The following STAT4 variants were observed in gnomAD, a reference collection of about 807,000 sequenced individuals.
STAT4 encodes the protein signal transducer and activator of transcription 4.
A neutral mutation model predicts 110.5 loss-of-function variants in STAT4; 42 were observed. The ratio of observed to expected loss-of-function variants is 0.38; its 90% CI spans 0.30 to 0.49. The LOEUF is 0.49. Ranked by LOEUF, STAT4 falls within the 20% of genes least tolerant of loss-of-function variation. The probability of loss-of-function intolerance (pLI) is 0.95; values close to 1 mark genes in which losing one functional copy is unlikely to be tolerated. For synonymous variants in STAT4, 284 were observed against 302.2 expected (o/e 0.94, Z 0.63); for missense variants, 632 against 887.9 (o/e 0.71, Z 3.66).
chr2:191,114,003 CTG>C (rs1457402390), intron 3 of STAT4, among the ~76,000 whole-genome samples: 2 of 152,120 alleles, frequency 1.3e-5, no homozygotes, highest in African/African-American at 4.8e-5. Flanking sequence ...CTGAAGAAAA[CTG>C]TGGTCTGATC....
rs1400957118 is a variant in STAT4 at position 191,059,317 on chromosome 2, A to G, written c.1035-548T>C. ...CGTTCATTAAAAAAACAAACTTCAA[A>G]TGAACAAGTAATTGAAGTTCAGTAT... On this transcript the variant is annotated intron_variant, in intron 10 of 23. Coordinates refer to ENST00000392320, the MANE Select transcript of STAT4 (RefSeq NM_003151.4). This position sits in a 1 kb window ranked among gnomAD's most constrained non-coding sequence, Gnocchi z 4.7. Among the ~76,000 whole-genome samples, 2 of 152,224 alleles carry G rather than the reference A, an allele frequency of 1.3e-5. No homozygotes were observed. The highest frequency in any genetic ancestry group is 2.9e-5 in the Non-Finnish European group (2 of 68,040).
chr2:191,137,572 C>T (rs1220522996), intron 3 of STAT4, among the ~76,000 whole-genome samples: 1 of 151,964 alleles, frequency 6.6e-6, no homozygotes, highest in Admixed American at 6.5e-5. Context: ...GCAATCTGAG[C>T]AAAAAGAACA....
intron 1 of STAT4, among the ~76,000 whole-genome samples, chr2:191,149,120 C>T (rs1052571056): frequency 3.9e-5 from 6 of 152,138 alleles, no homozygotes; most frequent in Non-Finnish European, 5.9e-5. Context: ...TTTCCAAAGT[C>T]AAATTTTTGG....
intron 3 of STAT4, among the ~76,000 whole-genome samples, chr2:191,123,050 A>G (rs1698781724): frequency 6.6e-6 from 1 of 152,030 alleles, no homozygotes; most frequent in Admixed American, 6.6e-5. Flanking sequence ...CTTGTATTAA[A>G]ATATGACATA....
chr2:191,031,578 GAA>G lies in STAT4; in HGVS notation c.2045-64_2045-63del. The G allele has an allele frequency of 7.4e-7, 1 of 1,358,080 alleles. No individual in the cohort carries two copies. 84.1% of individuals were successfully genotyped at this position (1,358,080 alleles called of 1,614,324 possible). On this transcript the variant is annotated intron_variant, in intron 21 of 23. Coordinates refer to ENST00000392320, the MANE Select transcript of STAT4 (RefSeq NM_003151.4). This position sits in a 1 kb window ranked among gnomAD's most constrained non-coding sequence, Gnocchi z 4.8. ...TGTCAATATTATCAATAAAACTGGG[GAA>G]AAAAGAGTCTAGAAAAATATTAACA...
In STAT4 at chr2:191,040,491, A is replaced by T. The variant is rs545424305; in HGVS notation, c.1335+574T>A. Among the ~76,000 whole-genome samples, 11 of 152,296 alleles carry T rather than the reference A, an allele frequency of 7.2e-5. No individual in the cohort carries two copies. The East Asian group carries it at 2.1e-3, about 29-fold the overall frequency. On this transcript the variant is annotated intron_variant, in intron 15 of 23. Coordinates refer to ENST00000392320, the MANE Select transcript of STAT4 (RefSeq NM_003151.4). The stretch of plus-strand genomic sequence containing the variant: ...AATCCCAGAAAACAAACAAACAAGA[A>T]CTTGAGCAACAAATTATTTAATGTA...
rs1057058787 is a variant in STAT4, at chr2:191,046,117, G to T, written c.1252-4969C>A. Among the ~76,000 whole-genome samples, 9 of 152,142 alleles carry T rather than the reference G, an allele frequency of 5.9e-5. No individual in the cohort carries two copies. The South Asian group carries it at 6.2e-4, about 11-fold the overall frequency. ...AACTTCCACTTCATGTTCACTAATGGGGGTGCCTTTCACATTATCTCTGAG... is the reference window on the plus strand; with the variant it reads ...AACTTCCACTTCATGTTCACTAATGTGGGTGCCTTTCACATTATCTCTGAG... On this transcript the variant is annotated intron_variant, in intron 14 of 23. Transcript: ENST00000392320. This position sits in a 1 kb window ranked among gnomAD's most constrained non-coding sequence, Gnocchi z 4.6.
At chr2:191,133,751 C>T (rs1307093738) in intron 3 of STAT4, among the ~76,000 whole-genome samples, 1 of 151,554 alleles carries the variant, frequency 6.6e-6, no homozygotes, top group African/African-American at 2.4e-5. Context: ...AACAGTAAGT[C>T]CAATAATAAT....
chr2:191,067,271 C>T (rs1293297817), intron 6 of STAT4, among the ~76,000 whole-genome samples: 1 of 151,964 alleles, frequency 6.6e-6, no homozygotes, highest in Non-Finnish European at 1.5e-5. Context: ...AATAATGGAA[C>T]TAAAGCAGCA....
intron 3 of STAT4, among the ~76,000 whole-genome samples, chr2:191,098,516 G>A (rs1698068261): frequency 6.6e-6 from 1 of 151,022 alleles, no homozygotes; most frequent in Non-Finnish European, 1.5e-5. Flanking sequence ...CACAAGGACA[G>A]AAAACCAAAC....
rs1553509522 is a variant in STAT4 at position 191,079,235 on chromosome 2, T to TCACGCACACACACACA, written c.274-2911_274-2910insTGTGTGTGTGTGCGTG. On this transcript the variant is annotated intron_variant, in intron 3 of 23. Transcript: ENST00000392320. ...TACATTTTAGAATCAACTTGTCAAG[T>TCACGCACACACACACA]CACGCACACACACATATGCACACCC... Among the ~76,000 whole-genome samples, 5 of 151,196 alleles carry TCACGCACACACACACA rather than the reference T, an allele frequency of 3.3e-5. No homozygotes were observed. In the East Asian group the frequency reaches 9.7e-4, roughly 29 times the overall value.
intron 3 of STAT4, among the ~76,000 whole-genome samples, chr2:191,128,685 G>A (rs748015394): frequency 1.3e-5 from 2 of 152,110 alleles, no homozygotes; most frequent in Non-Finnish European, 2.9e-5. Context: ...GAATATGTGA[G>A]GTGCAGGTGA....
At position 191,113,114 on chromosome 2, in the gene STAT4, G is replaced by A. The variant is rs748073396; in HGVS notation, c.273+33499C>T. ...GCCTCTGTGTCTTTGCCTACATGGTGTTGCCCACTTGTAACACCTGCTCAC... is the reference window on the plus strand; with the variant it reads ...GCCTCTGTGTCTTTGCCTACATGGTATTGCCCACTTGTAACACCTGCTCAC... On this transcript the variant is annotated intron_variant, in intron 3 of 23. Coordinates refer to ENST00000392320, the MANE Select transcript of STAT4 (RefSeq NM_003151.4). This position sits in a 1 kb window ranked among gnomAD's most constrained non-coding sequence, Gnocchi z 4.8. Among the ~76,000 whole-genome samples the A allele has an allele frequency of 6.6e-6, 1 of 152,166 alleles. No individual in the cohort carries two copies. Among genetic ancestry groups the A allele is most frequent in the Non-Finnish European group, 1.5e-5 (1 of 68,034 alleles).
rs1004661935 is a variant in STAT4, at chr2:191,042,331, A to G, written c.1252-1183T>C. ...GAGGAAAAGCAAAAAGTAAAAATAA[A>G]TAAATAAATAAAAGAATAAAAAAAC... On this transcript the variant is annotated intron_variant, in intron 14 of 23. Coordinates refer to ENST00000392320, the MANE Select transcript of STAT4 (RefSeq NM_003151.4). This position sits in a 1 kb window ranked among gnomAD's most constrained non-coding sequence, Gnocchi z 4.2. Among the ~76,000 whole-genome samples, 1 of 152,188 alleles carries G rather than the reference A, an allele frequency of 6.6e-6. No homozygotes were observed. The highest frequency in any genetic ancestry group is 1.5e-5 in the Non-Finnish European group (1 of 68,030).
chr2:191,069,589 C>T, intron 6 of STAT4, 104 bp downstream of exon 6: 1 of 848,802 alleles, frequency 1.2e-6, no homozygotes. Context: ...TCCCTAGGCT[C>T]ACCTAAGGAA....
chr2:191,075,198 A>G (rs1305783569), intron 4 of STAT4, among the ~76,000 whole-genome samples: 2 of 152,196 alleles, frequency 1.3e-5, no homozygotes, highest in Non-Finnish European at 2.9e-5. Flanking sequence ...TGGACCTTCA[A>G]AAATAAATAT....
At chr2:191,055,327 T>C (rs559275157) in intron 13 of STAT4, among the ~76,000 whole-genome samples, 3 of 150,574 alleles carry the variant, frequency 2.0e-5, no homozygotes, top group Non-Finnish European at 4.4e-5. Context: ...GCCTCCAGAG[T>C]ATCTGGGACT....
At position 191,046,036 on chromosome 2, in the gene STAT4, C is replaced by A. The variant is rs1696341229; in HGVS notation, c.1252-4888G>T. Among the ~76,000 whole-genome samples the A allele has an allele frequency of 6.6e-6, 1 of 152,022 alleles. No individual in the cohort carries two copies. The highest frequency in any genetic ancestry group is 2.1e-4 in the South Asian group (1 of 4,820). The stretch of plus-strand genomic sequence containing the variant: ...TTTGAACAATAGAAAATCTCACTGC[C>A]CACTAGGGAGGGGATGCTTACACTA... On this transcript the variant is annotated intron_variant, in intron 14 of 23. Coordinates refer to ENST00000392320, the MANE Select transcript of STAT4 (RefSeq NM_003151.4). This position sits in a 1 kb window ranked among gnomAD's most constrained non-coding sequence, Gnocchi z 4.6.
At chr2:191,045,487 C>G (rs952199221) in intron 14 of STAT4, among the ~76,000 whole-genome samples, 2 of 152,028 alleles carry the variant, frequency 1.3e-5, no homozygotes, top group Non-Finnish European at 2.9e-5. Context: ...ATAAAATGAG[C>G]CATGGGAACA....
Sources: allele counts gnomAD v4.1 joint callset (sites outside exome capture counted in the v4.1 genomes callset), GRCh38; gene constraint gnomAD v4.1.1; non-coding constraint Gnocchi (gnomAD v3.1); transcripts MANE v1.5; gene names NCBI Gene and HGNC (gene_info 2026-07-23, HGNC 2026-07-21).